TLL1: variants seen among roughly 807,000 people sequenced by gnomAD.
The protein encoded by TLL1 is tolloid-like protein 1.
In TLL1, 49 loss-of-function variants were observed where a neutral mutation model predicts 128.2. The observed-to-expected ratio is 0.38, with a 90% CI of 0.30 to 0.48. The LOEUF (loss-of-function observed/expected upper bound fraction) is 0.48. Among genes scored for constraint, TLL1 ranks in the 20% least tolerant of loss-of-function variants. The pLI, the probability that TLL1 is intolerant of heterozygous loss-of-function variation, is 0.96. For synonymous variants in TLL1, 454 were observed against 418.8 expected (o/e 1.08, Z -1.03); for missense variants, 1,123 against 1,242.0 (o/e 0.90, Z 1.44).
chr4:165,902,933 A>G lies in TLL1; in HGVS notation c.169+28860A>G, dbSNP rs139251570. Among the ~76,000 whole-genome samples, 263 of 152,324 alleles carry G rather than the reference A, an allele frequency of 1.7e-3. 1 individual carries two copies. The highest frequency in any genetic ancestry group is 5.9e-3 in the African/African-American group (247 of 41,578). On this transcript the variant is annotated intron_variant, in intron 1 of 20. Transcript: ENST00000061240. ...AAATGTTTGTGACTTTCAGTTGGGC[A>G]ACGATTTAAGATACCAACAACACTG...
chr4:166,089,053 G>C (rs1056137709), intron 18 of TLL1, among the ~76,000 whole-genome samples: 4 of 152,122 alleles, frequency 2.6e-5, no homozygotes, highest in African/African-American at 9.7e-5. Context: ...CTTCTATGCA[G>C]CAGGTTTCCC....
At position 166,051,961 on chromosome 4, in the gene TLL1, T is replaced by C. The variant is rs562729254; in HGVS notation, c.1525-3115T>C. On this transcript the variant is annotated intron_variant, in intron 12 of 20. Coordinates refer to ENST00000061240, the MANE Select transcript of TLL1 (RefSeq NM_012464.5). ...ACCTGTGAAATATTTACTCTTTGTG[T>C]ATCATATAAAATATTTAAAATTACA... 4.9e-4 allele frequency among the ~76,000 whole-genome samples: 74 copies of C among 152,312 alleles called. 1 individual carries two copies. Among genetic ancestry groups the C allele is most frequent in the Middle Eastern group, 6.8e-3 (2 of 294 alleles).
At chr4:166,058,807 C>G (rs1051936118) in intron 14 of TLL1, among the ~76,000 whole-genome samples, 1 of 152,092 alleles carries the variant, frequency 6.6e-6, no homozygotes, top group East Asian at 1.9e-4. Context: ...AAATGAGCAC[C>G]TGTTCTCTAC....
At chr4:165,889,079 C>G (rs963498760) in intron 1 of TLL1, among the ~76,000 whole-genome samples, 33 of 152,188 alleles carry the variant, frequency 2.2e-4, no homozygotes, top group Admixed American at 4.6e-4. Flanking sequence ...AATACTTTAT[C>G]TAGCATATTG....
In TLL1 at chr4:165,948,394, C is replaced by T. The variant is rs560012023; in HGVS notation, c.170-40987C>T. 1.3e-4 allele frequency among the ~76,000 whole-genome samples: 20 copies of T among 152,180 alleles called. No individual in the cohort carries two copies. The South Asian group carries it at 1.9e-3, about 14-fold the overall frequency. The stretch of plus-strand genomic sequence containing the variant: ...AAATGAGATTTAAATGAGATTCTTA[C>T]GCTTTGAGTTGTTGCTATAATGGAA... On this transcript the variant is annotated intron_variant, in intron 1 of 20. Coordinates refer to ENST00000061240, the MANE Select transcript of TLL1 (RefSeq NM_012464.5).
intron 18 of TLL1, among the ~76,000 whole-genome samples, chr4:166,079,406 T>G (rs1213580795): frequency 2.0e-5 from 3 of 152,206 alleles, no homozygotes; most frequent in Admixed American, 6.6e-5. Context: ...CTGTTTTCAT[T>G]GCATATAGAA....
At chr4:165,948,570 GGA>G (rs913779463) in intron 1 of TLL1, among the ~76,000 whole-genome samples, 17 of 152,216 alleles carry the variant, frequency 1.1e-4, no homozygotes, top group African/African-American at 3.6e-4. Context: ...TCCTGCTGAT[GGA>G]GACTCTGCAG....
At chr4:165,965,973 G>T (rs954943222) in intron 1 of TLL1, among the ~76,000 whole-genome samples, 1 of 152,104 alleles carries the variant, frequency 6.6e-6, no homozygotes, top group Non-Finnish European at 1.5e-5. Flanking sequence ...GAGGTCAGGA[G>T]TTCAAGACCA....
chr4:165,993,179 A>G (rs1736720472), intron 3 of TLL1, among the ~76,000 whole-genome samples: 1 of 152,032 alleles, frequency 6.6e-6, no homozygotes, highest in Non-Finnish European at 1.5e-5. Flanking sequence ...ACACCAAGGT[A>G]TTTTTATAAA....
At chr4:165,940,442 G>A (rs1345385270) in intron 1 of TLL1, among the ~76,000 whole-genome samples, 2 of 151,658 alleles carry the variant, frequency 1.3e-5, no homozygotes, top group Non-Finnish European at 2.9e-5. Flanking sequence ...CTGATGTAAG[G>A]AAGTTGGAAT....
intron 5 of TLL1, among the ~76,000 whole-genome samples, chr4:166,002,116 G>A (rs903548612): frequency 9.9e-5 from 15 of 152,224 alleles, no homozygotes; most frequent in Admixed American, 4.6e-4. Context: ...TGGAGACGCG[G>A]CACTGCAGAA....
At chr4:166,017,509 T>G (rs914474012) in intron 8 of TLL1, among the ~76,000 whole-genome samples, 1 of 152,180 alleles carries the variant, frequency 6.6e-6, no homozygotes, top group African/African-American at 2.4e-5. Flanking sequence ...TTGAGAAATC[T>G]CCAAACTGCT....
At chr4:165,907,072 A>T (rs1247165103) in intron 1 of TLL1, among the ~76,000 whole-genome samples, 1 of 152,146 alleles carries the variant, frequency 6.6e-6, no homozygotes, top group Non-Finnish European at 1.5e-5. Flanking sequence ...TTGAAACTTC[A>T]GTTTGTGTTT....
At chr4:165,968,082 A>C (rs112711425) in intron 1 of TLL1, among the ~76,000 whole-genome samples, 3 of 152,332 alleles carry the variant, frequency 2.0e-5, no homozygotes, top group African/African-American at 7.2e-5. Context: ...ATAAGTGCAC[A>C]TACAGTGCGG....
At chr4:165,968,778 G>A (rs1735506675) in intron 1 of TLL1, among the ~76,000 whole-genome samples, 2 of 151,982 alleles carry the variant, frequency 1.3e-5, no homozygotes, top group Non-Finnish European at 2.9e-5. Context: ...AATTGTTGTA[G>A]TAGTTCATCT....
intron 3 of TLL1, 119 bp downstream of exon 3, chr4:165,993,003 A>C: frequency 1.2e-6 from 1 of 860,154 alleles, no homozygotes; most frequent in South Asian, 1.5e-5. Context: ...TAAATGATAT[A>C]TTCTAAAACT....
chr4:165,948,450 T>A (rs1420634993), intron 1 of TLL1, among the ~76,000 whole-genome samples: 1 of 152,138 alleles, frequency 6.6e-6, no homozygotes, highest in Middle Eastern at 3.2e-3. Flanking sequence ...TTTCTGTTTC[T>A]TATAACAGAA....
chr4:165,926,176 T>A (rs773184376), intron 1 of TLL1, among the ~76,000 whole-genome samples: 1 of 152,214 alleles, frequency 6.6e-6, no homozygotes, highest in African/African-American at 2.4e-5. Context: ...GAAAGCAATT[T>A]GATTTAAATG....
chr4:166,089,795 G>C (rs1188583302), intron 18 of TLL1, among the ~76,000 whole-genome samples: 1 of 152,016 alleles, frequency 6.6e-6, no homozygotes, highest in East Asian at 1.9e-4. Context: ...TTTTTAAGTA[G>C]AGTGCAGTGG....
Sources: gnomAD v4.1 joint callset for allele counts (sites outside exome capture counted in the v4.1 genomes callset) on GRCh38, gnomAD v4.1.1 for gene constraint, MANE v1.5 for transcripts, NCBI Gene and HGNC (gene_info 2026-07-23, HGNC 2026-07-21) for gene names.